SURF1: variants seen among roughly 807,000 people sequenced by gnomAD.
The protein encoded by SURF1 is surfeit locus protein 1.
In SURF1, 45 loss-of-function variants were observed where a neutral mutation model predicts 34.1. The ratio of observed to expected loss-of-function variants is 1.32; its 90% CI spans 1.04 to 1.69. SURF1 has a LOEUF of 1.69. SURF1 is among the 40% of genes most tolerant of loss of function. The pLI, the probability that SURF1 is intolerant of heterozygous loss-of-function variation, is 0.00. For missense variants in SURF1, 456 were observed against 384.6 expected (o/e 1.19, Z -1.55); for synonymous variants, 188 against 147.5 (o/e 1.27, Z -1.99).
chr9:133,353,719 G>A lies in SURF1; in HGVS notation c.515+30C>T, dbSNP rs2130014028. 3 of 1,612,470 alleles carry A rather than the reference G, an allele frequency of 1.9e-6. No individual in the cohort carries two copies. The South Asian group carries it at 3.3e-5, about 18-fold the overall frequency. On this transcript the variant is annotated intron_variant, in intron 5 of 8. Transcript: ENST00000371974. ...TAGTATACCCTGACTGCCTCTGCCAGGACAGCCAGCTCCCACATGTCCTAC... is the reference window on the plus strand; with the variant it reads ...TAGTATACCCTGACTGCCTCTGCCAAGACAGCCAGCTCCCACATGTCCTAC...
intron 5 of SURF1, among the ~76,000 whole-genome samples, chr9:133,353,316 C>T (rs1209719799): frequency 6.6e-6 from 1 of 152,200 alleles, no homozygotes; most frequent in Non-Finnish European, 1.5e-5. Context: ...CTGTCATTTG[C>T]TTTGCCTGGA....
chr9:133,355,276 G>A (rs2130021154), intron 2 of SURF1, among the ~76,000 whole-genome samples: 5 of 152,194 alleles, frequency 3.3e-5, no homozygotes, highest in Non-Finnish European at 5.9e-5. Flanking sequence ...CATTCAAAAT[G>A]CATTTAATAA....
chr9:133,352,603 C>G lies in SURF1; in HGVS notation c.594G>C (p.Glu198Asp). 1 of 1,614,196 alleles carries G rather than the reference C, an allele frequency of 6.2e-7. No homozygotes were observed. Among genetic ancestry groups the G allele is most frequent in the African/African-American group, 1.3e-5 (1 of 75,060 alleles). ...CCATCCCAATGAGGTCCACTTCTCC[C>G]TCAATCTATAAAGGAAGGTGTGTGA... is the stretch of plus-strand genomic sequence containing the variant. The part of the protein sequence containing the change: ...NPETRQKGQI[E>D]GEVDLIGMVR... Residue 198 changes from glutamate to aspartate, a missense_variant, in exon 7 of 9, where the codon GAG (glutamate) becomes GAC (aspartate). By Grantham distance (45) the Glu-to-Asp change is conservative. Coordinates refer to ENST00000371974, the MANE Select transcript of SURF1 (RefSeq NM_003172.4).
chr9:133,354,534 C>A (rs1836515565), intron 4 of SURF1, 125 bp downstream of exon 4: 2 of 1,138,310 alleles, frequency 1.8e-6, no homozygotes. Context: ...ATAATGAGAG[C>A]TCCCACCTGA....
chr9:133,352,169 C>T, intron 7 of SURF1, 27 bp from the exon 8 acceptor site: 1 of 1,569,876 alleles, frequency 6.4e-7, no homozygotes, highest in Non-Finnish European at 8.6e-7. Flanking sequence ...CTCAAGTCCA[C>T]CCCCTACTGG....
chr9:133,353,476 A>C (rs1324878947), intron 5 of SURF1, among the ~76,000 whole-genome samples: 3 of 152,196 alleles, frequency 2.0e-5, no homozygotes, highest in Non-Finnish European at 4.4e-5. Flanking sequence ...GCAACTAGAC[A>C]GTTCTCCAGA....
At chr9:133,352,419 T>A (rs1836448435) in intron 7 of SURF1, 27 bp downstream of exon 7, 5 of 1,614,202 alleles carry the variant, frequency 3.1e-6, no homozygotes, top group Non-Finnish European at 4.2e-6. Context: ...AGCTACTTGT[T>A]CCGAGATGGG....
chr9:133,352,198 A>G, intron 7 of SURF1, 56 bp from the exon 8 acceptor site: 1 of 1,521,694 alleles, frequency 6.6e-7, no homozygotes, highest in Non-Finnish European at 8.9e-7. Context: ...CCTCTGCACC[A>G]CTTCCTAGTG....
intron 5 of SURF1, 111 bp from the exon 6 acceptor site, chr9:133,352,877 A>G: frequency 1.6e-6 from 2 of 1,235,358 alleles, no homozygotes; most frequent in Non-Finnish European, 2.3e-6. Flanking sequence ...GAAGGCTTTT[A>G]AAACAGGGCT....
intron 4 of SURF1, chr9:133,354,332 C>T (rs1836512337): frequency 4.0e-6 from 2 of 494,838 alleles, no homozygotes; most frequent in African/African-American, 3.9e-5. Flanking sequence ...AAACGACCAC[C>T]CTCACGGTGA....
Position 133,352,143 on chromosome 9 carries a change from CTG to C in SURF1, c.752-3_752-2del, listed in dbSNP as rs2130005096. 8 of 1,595,174 alleles carry C rather than the reference CTG, an allele frequency of 5.0e-6. No individual in the cohort carries two copies. The highest frequency in any genetic ancestry group is 4.0e-5 in the African/African-American group (3 of 74,714). On this transcript the variant is annotated splice_acceptor_variant and splice_polypyrimidine_tract_variant and intron_variant, in intron 7 of 8. Transcript: ENST00000371974. LOFTEE classifies it high-confidence loss of function. ...ATGGGTCCTCCAGGGACTGTGCTCTCTGTGGAGACAGCAGACTCAAGTCCACC... is the reference window on the plus strand; with the variant it reads ...ATGGGTCCTCCAGGGACTGTGCTCTCTGGAGACAGCAGACTCAAGTCCACC...
In SURF1 at chr9:133,356,303, G is replaced by A. The variant is rs1163546025; in HGVS notation, c.72C>T (p.Ala24=). 5 of 1,526,980 alleles carry A rather than the reference G, an allele frequency of 3.3e-6. No individual in the cohort carries two copies. In the South Asian group the frequency reaches 3.6e-5, roughly 11 times the overall value. 94.6% of individuals were successfully genotyped at this position (1,526,980 alleles called of 1,614,324 possible). A position where few individuals can be genotyped will look rare whatever the true frequency, so the allele number is the denominator to read the frequency against. ...GGGAGACCCTGAGGACGCTCCTCCAGGCGGCGCTGGCCGGGGCCTGCGGAC... is the reference window on the plus strand; with the variant it reads ...GGGAGACCCTGAGGACGCTCCTCCAAGCGGCGCTGGCCGGGGCCTGCGGAC... ...AGLGRAPASA[A]WRSVLRVSPR... is the part of the protein sequence containing the mutation. Residue 24 remains alanine (A), a synonymous_variant, in exon 2 of 9, where the codon GCC becomes GCT. Transcript: ENST00000371974.
Position 133,356,253 on chromosome 9 carries a change from G to C in SURF1, c.106+16C>G. On this transcript the variant is annotated intron_variant, in intron 2 of 8. Coordinates refer to ENST00000371974, the MANE Select transcript of SURF1 (RefSeq NM_003172.4). ...TGCCCAGGCGCCTGGATCACAGCCC[G>C]GCCTGCAGCCCTCACCTGGGCGCGG... 3.9e-6 allele frequency: 6 copies of C among 1,533,594 alleles called. No homozygotes were observed. The highest frequency in any genetic ancestry group is 5.2e-6 in the Non-Finnish European group (6 of 1,146,204). 95.0% of individuals were successfully genotyped at this position (1,533,594 alleles called of 1,614,324 possible). A position where few individuals can be genotyped will look rare whatever the true frequency, so the allele number is the denominator to read the frequency against.
At position 133,352,088 on chromosome 9, in the gene SURF1, T is replaced by G. The variant is rs782811834; in HGVS notation, c.806A>C (p.Asn269Thr). Residue 269 changes from asparagine to threonine, a missense_variant, in exon 8 of 9, where the codon AAC (asparagine) becomes ACC (threonine). By Grantham distance (65) the Asn-to-Thr change is moderately conservative. Transcript: ENST00000371974. The part of the protein sequence containing the change: ...IGGQTRVTLR[N>T]EHLQYIVTWY... ...GGTCACGATGTACTGCAGATGCTCG[T>G]TCCTCAGAGTAACTCTGGTTTGCCC... The G allele has an allele frequency of 6.2e-7, 1 of 1,610,870 alleles. No individual in the cohort carries two copies. The highest frequency in any genetic ancestry group is 8.5e-7 in the Non-Finnish European group (1 of 1,178,524).
rs2130015727 is a variant in SURF1, at chr9:133,353,959, A to G, written c.324-19T>C. 121 of 1,613,592 alleles carry G rather than the reference A, an allele frequency of 7.5e-5. No homozygotes were observed. The highest frequency in any genetic ancestry group is 1.0e-4 in the Non-Finnish European group (118 of 1,180,028). Reference sequence around the variant, plus strand: ...CATTGGGCTGCATGGAGATAAGAACAGTGGCCGAGCAAGGTTTGGCTGGAA... The same window carrying G: ...CATTGGGCTGCATGGAGATAAGAACGGTGGCCGAGCAAGGTTTGGCTGGAA... On this transcript the variant is annotated intron_variant, in intron 4 of 8. Coordinates refer to ENST00000371974, the MANE Select transcript of SURF1 (RefSeq NM_003172.4).
Position 133,356,420 on chromosome 9 carries a change from G to A in SURF1, c.34C>T (p.Arg12Trp). 1.5e-6 allele frequency: 2 copies of A among 1,358,676 alleles called. No individual in the cohort carries two copies. Among genetic ancestry groups the A allele is most frequent in the South Asian group, 3.2e-5 (2 of 61,590 alleles). 84.2% of individuals were successfully genotyped at this position (1,358,676 alleles called of 1,614,324 possible). Residue 12 changes from arginine (R) to tryptophan (W), a missense_variant, in exon 1 of 9, where the codon CGG becomes TGG. Physicochemically the swap from Arg to Trp is moderately radical, Grantham distance 101 (BLOSUM62 -3). Transcript: ENST00000371974. ...AAVAALQLGL[R>W]AAGLGRAPAS... ...CTCACCCGTCCCAGCCCCGCCGCCC[G>A]CAGCCCCAGCTGCAACGCAGCCACC...
chr9:133,353,649 G>C, intron 5 of SURF1, 100 bp downstream of exon 5: 1 of 1,422,606 alleles, frequency 7.0e-7, no homozygotes, highest in South Asian at 1.2e-5. Flanking sequence ...GGTTCCCCAG[G>C]GTCCTACCAA....
Position 133,354,823 on chromosome 9 carries a change from C to A in SURF1, c.240+1G>T, listed in dbSNP as rs2130018967. 82 of 1,613,810 alleles carry A rather than the reference C, an allele frequency of 5.1e-5. No individual in the cohort carries two copies. The highest frequency in any genetic ancestry group is 6.8e-5 in the Non-Finnish European group (80 of 1,180,046). On this transcript the variant is annotated splice_donor_variant, in intron 3 of 8. Transcript: ENST00000371974. LOFTEE classifies it high-confidence loss of function. ...TACGCACACCAGATGCCGGTCTTTACCTGCCATGTCCCCAAGCCAAAGGCA... is the reference window on the plus strand; with the variant it reads ...TACGCACACCAGATGCCGGTCTTTAACTGCCATGTCCCCAAGCCAAAGGCA...
chr9:133,354,588 G>A (rs112232972), intron 4 of SURF1, 71 bp downstream of exon 4: 3 of 1,563,858 alleles, frequency 1.9e-6, no homozygotes, highest in African/African-American at 2.7e-5. Flanking sequence ...GGGCAAGCTG[G>A]CCAGCAGAAG....
Sources: gnomAD v4.1 joint callset for allele counts (sites outside exome capture counted in the v4.1 genomes callset) on GRCh38, gnomAD v4.1.1 for gene constraint, MANE v1.5 for transcripts, NCBI Gene and HGNC (gene_info 2026-07-23, HGNC 2026-07-21) for gene names.